The following WWC2 variants were observed in gnomAD, a reference collection of about 807,000 sequenced individuals.
WWC2 encodes WW and C2 domain containing 2.
A neutral mutation model predicts 138.5 loss-of-function variants in WWC2; 101 were observed. The observed-to-expected ratio is 0.73, with a 90% CI of 0.62 to 0.86. WWC2 has a LOEUF of 0.86. Among genes scored for constraint, WWC2 ranks in the 40% least tolerant of loss-of-function variants. WWC2 has a pLI of 0.00. For missense variants in WWC2, 1,420 were observed against 1,419.4 expected (o/e 1.00, Z -0.01); for synonymous variants, 558 against 538.4 (o/e 1.04, Z -0.50).
At chr4:183,310,971 C>G (rs1373746262) in intron 21 of WWC2, among the ~76,000 whole-genome samples, 3 of 151,850 alleles carry the variant, frequency 2.0e-5, no homozygotes, top group African/African-American at 7.3e-5. Context: ...AGTACTTATT[C>G]CCAGTGTACA....
chr4:183,107,229 C>T (rs1054042787), intron 1 of WWC2, among the ~76,000 whole-genome samples: 23 of 150,048 alleles, frequency 1.5e-4, no homozygotes, highest in African/African-American at 5.6e-4. Flanking sequence ...GATCTCGGCT[C>T]ACTGCGGCTT....
chr4:183,111,620 C>T (rs1266928519), intron 1 of WWC2, among the ~76,000 whole-genome samples: 1 of 151,744 alleles, frequency 6.6e-6, no homozygotes, highest in African/African-American at 2.4e-5. Context: ...TAATTCTGTC[C>T]ATACCATATG....
intron 1 of WWC2, among the ~76,000 whole-genome samples, chr4:183,191,060 T>A (rs922006119): frequency 6.6e-6 from 1 of 152,004 alleles, no homozygotes; most frequent in African/African-American, 2.4e-5. Flanking sequence ...TGAAAGAGAA[T>A]CATCAAACAG....
At chr4:183,254,688 A>G (rs1161374355) in intron 9 of WWC2, among the ~76,000 whole-genome samples, 2 of 152,210 alleles carry the variant, frequency 1.3e-5, no homozygotes, top group African/African-American at 2.4e-5. Context: ...TGATGGCAGA[A>G]TGGGTTGGAT....
At chr4:183,258,296 G>A (rs947135200) in intron 9 of WWC2, among the ~76,000 whole-genome samples, 10 of 151,974 alleles carry the variant, frequency 6.6e-5, no homozygotes, top group African/African-American at 9.7e-5. Context: ...TAAAATGACC[G>A]CTGCTTTTAA....
intron 1 of WWC2, among the ~76,000 whole-genome samples, chr4:183,178,997 T>C (rs1734544399): frequency 6.6e-6 from 1 of 152,208 alleles, no homozygotes; most frequent in South Asian, 2.1e-4. Context: ...CAGACAATAC[T>C]GGAAGGGCTA....
At chr4:183,225,064 GA>G (rs1736034205) in intron 4 of WWC2, among the ~76,000 whole-genome samples, 1 of 148,738 alleles carries the variant, frequency 6.7e-6, no homozygotes, top group African/African-American at 2.6e-5. Flanking sequence ...AGATGTTTTT[GA>G]CTTTTTTTTT....
chr4:183,183,742 C>T (rs1033918802), intron 1 of WWC2, among the ~76,000 whole-genome samples: 1 of 151,716 alleles, frequency 6.6e-6, no homozygotes, highest in East Asian at 1.9e-4. Flanking sequence ...GTGATCGTCC[C>T]GCTGCACTCC....
At position 183,099,301 on chromosome 4, in the gene WWC2, C is replaced by T; in HGVS notation, c.-191C>T. 1 of 393,942 alleles carries T rather than the reference C, an allele frequency of 2.5e-6. No homozygotes were observed. Among genetic ancestry groups the T allele is most frequent in the Non-Finnish European group, 3.8e-6 (1 of 261,644 alleles). The allele number at this position is 393,942 out of a possible 1,614,324, so 24.4% of individuals were successfully genotyped here. ...GACGCAGACATGGTGGACTGATCCG[C>T]AGCGGGGCCGCGAACAGCGTTTCCT... On this transcript the variant is annotated 5_prime_UTR_variant, in exon 1 of 23. Transcript: ENST00000403733.
intron 4 of WWC2, among the ~76,000 whole-genome samples, chr4:183,212,433 T>C (rs1237179516): frequency 2.0e-5 from 3 of 152,220 alleles, no homozygotes; most frequent in Non-Finnish European, 4.4e-5. Context: ...GTACCGTGTC[T>C]ATATGTTTGT....
At chr4:183,111,021 C>T (rs1382358062) in intron 1 of WWC2, among the ~76,000 whole-genome samples, 4 of 152,008 alleles carry the variant, frequency 2.6e-5, no homozygotes, top group Non-Finnish European at 1.5e-5. Context: ...GGGCGGATCA[C>T]GAGGTCAGGA....
intron 16 of WWC2, among the ~76,000 whole-genome samples, chr4:183,273,873 C>T (rs1160891611): frequency 6.6e-6 from 1 of 152,120 alleles, no homozygotes; most frequent in East Asian, 1.9e-4. Flanking sequence ...CTTTTTCTAA[C>T]AGTTTTAAAG....
intron 9 of WWC2, among the ~76,000 whole-genome samples, chr4:183,255,032 C>T (rs946539240): frequency 6.6e-6 from 1 of 152,198 alleles, no homozygotes; most frequent in Non-Finnish European, 1.5e-5. Context: ...GACTCACCCA[C>T]CCCAACGTTA....
chr4:183,251,429 C>G (rs1456098455), intron 8 of WWC2, among the ~76,000 whole-genome samples: 2 of 152,232 alleles, frequency 1.3e-5, no homozygotes, highest in Non-Finnish European at 2.9e-5. Context: ...GGGCTTGACT[C>G]TTGCTTCCCA....
chr4:183,200,526 T>G (rs1735267014), intron 2 of WWC2, among the ~76,000 whole-genome samples: 1 of 152,180 alleles, frequency 6.6e-6, no homozygotes, highest in African/African-American at 2.4e-5. Flanking sequence ...GGGCCATGAA[T>G]CTAGGCAAGA....
intron 11 of WWC2, among the ~76,000 whole-genome samples, chr4:183,262,601 A>G (rs1737363969): frequency 6.6e-6 from 1 of 152,246 alleles, no homozygotes; most frequent in Non-Finnish European, 1.5e-5. Context: ...CCCATGAGAC[A>G]TTTGTGTGGT....
intron 2 of WWC2, among the ~76,000 whole-genome samples, chr4:183,206,266 T>A (rs1735444666): frequency 6.6e-6 from 1 of 152,140 alleles, no homozygotes; most frequent in African/African-American, 2.4e-5. Flanking sequence ...ACCATGGCCT[T>A]CTTTGTGTTT....
intron 21 of WWC2, among the ~76,000 whole-genome samples, chr4:183,295,454 G>A (rs1048641953): frequency 5.3e-5 from 8 of 152,208 alleles, no homozygotes; most frequent in African/African-American, 1.9e-4. Context: ...AATCTGACTG[G>A]TGGGCACTGT....
At chr4:183,144,029 A>G (rs1733379575) in intron 1 of WWC2, among the ~76,000 whole-genome samples, 1 of 152,228 alleles carries the variant, frequency 6.6e-6, no homozygotes, top group Non-Finnish European at 1.5e-5. Flanking sequence ...AAGATAACAG[A>G]TACAGAGAAA....
Sources: gnomAD v4.1 joint callset for allele counts (sites outside exome capture counted in the v4.1 genomes callset) on GRCh38, gnomAD v4.1.1 for gene constraint, MANE v1.5 for transcripts, NCBI Gene and HGNC (gene_info 2026-07-23, HGNC 2026-07-21) for gene names.